VTI1A: variants seen among roughly 807,000 people sequenced by gnomAD.
VTI1A encodes the protein vesicle transport through interaction with t-SNAREs homolog 1A.
A neutral mutation model predicts 34.9 loss-of-function variants in VTI1A; 22 were observed. That is an observed-to-expected ratio of 0.63 (90% confidence interval 0.45 to 0.90). VTI1A has a LOEUF of 0.90. VTI1A is among the 40% of genes least tolerant of loss of function. The pLI, the probability that VTI1A is intolerant of heterozygous loss-of-function variation, is 0.00. For missense variants in VTI1A, 268 were observed against 275.6 expected (o/e 0.97, Z 0.20); for synonymous variants, 87 against 97.3 (o/e 0.89, Z 0.62).
chr10:112,762,285 G>A (rs1261621054), intron 7 of VTI1A, among the ~76,000 whole-genome samples: 2 of 152,054 alleles, frequency 1.3e-5, no homozygotes, highest in African/African-American at 4.8e-5. Context: ...TGTAAAGGGT[G>A]AGGGCCAAAA....
the VTI1A span, among the ~76,000 whole-genome samples, chr10:112,850,230 A>G: frequency 6.6e-6 from 1 of 152,054 alleles, no homozygotes; most frequent in Non-Finnish European, 1.5e-5. Context: ...GGCTTTGGAG[A>G]CACCCCAGGT....
At chr10:112,505,421 C>G (rs762620588) in intron 3 of VTI1A, among the ~76,000 whole-genome samples, 1 of 152,144 alleles carries the variant, frequency 6.6e-6, no homozygotes, top group Non-Finnish European at 1.5e-5. Flanking sequence ...ATTATATCAT[C>G]TGTAAGTAAT....
At chr10:112,715,742 C>T (rs1316782173) in intron 7 of VTI1A, among the ~76,000 whole-genome samples, 1 of 152,102 alleles carries the variant, frequency 6.6e-6, no homozygotes, top group Non-Finnish European at 1.5e-5. Context: ...AGCAACTGTT[C>T]CTGGGGATGA....
At chr10:112,658,117 T>C (rs749446840) in intron 5 of VTI1A, among the ~76,000 whole-genome samples, 4 of 152,132 alleles carry the variant, frequency 2.6e-5, no homozygotes, top group Non-Finnish European at 5.9e-5. Context: ...AGACAGGGTC[T>C]CACTCTGTCA....
At chr10:112,831,576 A>T in the VTI1A span, 1 of 152,162 alleles carries the variant, frequency 6.6e-6, no homozygotes, top group African/African-American at 2.4e-5. Flanking sequence ...TAGCACAATG[A>T]ATTTGTACCC....
the VTI1A span, among the ~76,000 whole-genome samples, chr10:112,846,525 G>C: frequency 6.6e-6 from 1 of 152,080 alleles, no homozygotes; most frequent in African/African-American, 2.4e-5. Context: ...CCAGCACTTT[G>C]GGAGGCTGAG....
chr10:112,691,269 A>G (rs1848604364), intron 7 of VTI1A, among the ~76,000 whole-genome samples: 1 of 143,674 alleles, frequency 7.0e-6, no homozygotes, highest in African/African-American at 2.8e-5. Context: ...TCAAAAATAA[A>G]TAAATAAATA....
intron 3 of VTI1A, among the ~76,000 whole-genome samples, chr10:112,482,126 T>A (rs1292791697): frequency 7.9e-5 from 12 of 152,176 alleles, no homozygotes; most frequent in Admixed American, 7.9e-4. Flanking sequence ...CTATCCTGTG[T>A]CTTAAACAAT....
intron 7 of VTI1A, chr10:112,736,720 C>G: frequency 6.4e-7 from 1 of 1,551,740 alleles, no homozygotes; most frequent in South Asian, 1.2e-5. Context: ...TCACTGTTCA[C>G]AGGGGTTGTT....
At chr10:112,756,769 T>A (rs890531508) in intron 7 of VTI1A, among the ~76,000 whole-genome samples, 2 of 152,098 alleles carry the variant, frequency 1.3e-5, no homozygotes, top group Non-Finnish European at 1.5e-5. Context: ...ATCATTTGGC[T>A]GGGCACAGTG....
intron 5 of VTI1A, among the ~76,000 whole-genome samples, chr10:112,650,723 T>A (rs1462229249): frequency 6.6e-6 from 1 of 152,202 alleles, no homozygotes; most frequent in Non-Finnish European, 1.5e-5. Context: ...TCAGCGCTAT[T>A]ATAATCTTTT....
chr10:112,691,045 A>G (rs1848595334), intron 7 of VTI1A, among the ~76,000 whole-genome samples: 1 of 152,080 alleles, frequency 6.6e-6, no homozygotes, highest in African/African-American at 2.4e-5. Context: ...AGGCAGGCGG[A>G]TCATTTGAGG....
At chr10:112,706,903 A>G (rs1245618164) in intron 7 of VTI1A, among the ~76,000 whole-genome samples, 2 of 152,176 alleles carry the variant, frequency 1.3e-5, no homozygotes, top group East Asian at 3.9e-4. Context: ...TACACTCAAC[A>G]TGTTTATCAT....
intron 7 of VTI1A, among the ~76,000 whole-genome samples, chr10:112,740,335 G>T (rs1316864161): frequency 6.6e-6 from 1 of 152,104 alleles, no homozygotes; most frequent in Admixed American, 6.6e-5. Context: ...TGTCATCCAG[G>T]CTGGAGTGCA....
intron 3 of VTI1A, among the ~76,000 whole-genome samples, chr10:112,468,546 A>G (rs1847977207): frequency 6.6e-6 from 1 of 152,142 alleles, no homozygotes; most frequent in Non-Finnish European, 1.5e-5. Flanking sequence ...ATTTATGCCC[A>G]TGGGGAGGGG....
At position 112,464,539 on chromosome 10, in the gene VTI1A, T is replaced by G; in HGVS notation, c.154-8T>G. ...GTTTTAAATCACATTTTTCTTTCCCTCTTCTAGCTTGAACAGATGGATTTG... is the reference window on the plus strand; with the variant it reads ...GTTTTAAATCACATTTTTCTTTCCCGCTTCTAGCTTGAACAGATGGATTTG... On this transcript the variant is annotated splice_region_variant and splice_polypyrimidine_tract_variant and intron_variant, in intron 2 of 7. Coordinates refer to ENST00000393077, the MANE Select transcript of VTI1A (RefSeq NM_145206.4). 8 of 1,607,930 alleles carry G rather than the reference T, an allele frequency of 5.0e-6. No individual in the cohort carries two copies. The highest frequency in any genetic ancestry group is 6.8e-6 in the Non-Finnish European group (8 of 1,176,286).
At chr10:112,600,972 G>T (rs1269563850) in intron 5 of VTI1A, among the ~76,000 whole-genome samples, 1 of 152,182 alleles carries the variant, frequency 6.6e-6, no homozygotes, top group Admixed American at 6.5e-5. Flanking sequence ...TTACAATCTA[G>T]TAAAGAAGAC....
chr10:112,666,413 C>G (rs1428847766), intron 5 of VTI1A, among the ~76,000 whole-genome samples: 1 of 152,106 alleles, frequency 6.6e-6, no homozygotes, highest in Non-Finnish European at 1.5e-5. Context: ...AACACAAATT[C>G]TTCTGTTAAC....
At chr10:112,683,639 T>C (rs1590065567) in intron 7 of VTI1A, among the ~76,000 whole-genome samples, 1 of 152,334 alleles carries the variant, frequency 6.6e-6, no homozygotes, top group Non-Finnish European at 1.5e-5. Context: ...TTCAATATTA[T>C]ATTGCTCTAC....
Sources: gnomAD v4.1 joint callset for allele counts (sites outside exome capture counted in the v4.1 genomes callset) on GRCh38, gnomAD v4.1.1 for gene constraint, MANE v1.5 for transcripts, NCBI Gene and HGNC (gene_info 2026-07-23, HGNC 2026-07-21) for gene names.